The following MRPS5 variants were observed in gnomAD, a reference collection of about 807,000 sequenced individuals.
The protein encoded by MRPS5 is mitochondrial ribosomal protein S5, also known as small ribosomal subunit protein uS5m.
Under a neutral mutation model 51.9 loss-of-function variants are expected in MRPS5, and 27 were observed. That is an observed-to-expected ratio of 0.52 (90% CI 0.38 to 0.72). MRPS5 has a LOEUF of 0.72. Ranked by LOEUF, MRPS5 falls within the 30% of genes least tolerant of loss-of-function variation. The pLI, the probability that MRPS5 is intolerant of heterozygous loss-of-function variation, is 0.00. For synonymous variants in MRPS5, 196 were observed against 193.2 expected (o/e 1.01, Z -0.12); for missense variants, 570 against 545.7 (o/e 1.04, Z -0.44).
intron 10 of MRPS5, among the ~76,000 whole-genome samples, chr2:95,099,487 A>G (rs955573952): frequency 6.6e-6 from 1 of 152,154 alleles, no homozygotes; most frequent in African/African-American, 2.4e-5. Context: ...GAGATATTTT[A>G]TATTCTTTTT....
At chr2:95,097,990 A>G (rs1229546755) in intron 10 of MRPS5, among the ~76,000 whole-genome samples, 1 of 152,242 alleles carries the variant, frequency 6.6e-6, no homozygotes, top group Non-Finnish European at 1.5e-5. Context: ...AAGAACTCAA[A>G]CAAATTTACA....
At chr2:95,104,592 C>T (rs781497866) in intron 7 of MRPS5, 48 bp downstream of exon 7, 2 of 1,599,088 alleles carry the variant, frequency 1.3e-6, no homozygotes, top group Non-Finnish European at 1.7e-6. Context: ...CGTGCCACGC[C>T]TTTCCCTGCA....
chr2:95,104,083 T>C (rs1231076712), intron 7 of MRPS5: 1 of 154,828 alleles, frequency 6.5e-6, no homozygotes, highest in Non-Finnish European at 1.4e-5. Context: ...GGAGAAAATT[T>C]AAATCATCAG....
chr2:95,102,650 AGACCCTGTCTCAG>A (rs1418517254), intron 7 of MRPS5, among the ~76,000 whole-genome samples: 1 of 152,248 alleles, frequency 6.6e-6, no homozygotes, highest in East Asian at 1.9e-4. Context: ...TGACAGAGCA[AGACCCTGTCTCAG>A]GAAGGAAAAA....
Position 95,087,382 on chromosome 2 carries a change from G to T in MRPS5, c.1268C>A (p.Ser423Tyr). 1.2e-6 allele frequency: 2 copies of T among 1,614,158 alleles called. No individual in the cohort carries two copies. Among genetic ancestry groups the T allele is most frequent in the South Asian group, 2.2e-5 (2 of 91,078 alleles). The change falls in exon 12 of 12, where the codon TCT (serine) becomes TAT (tyrosine). Residue 423 changes from serine to tyrosine, a missense_variant. Physicochemically the swap from Ser to Tyr is moderately radical, Grantham distance 144 (BLOSUM62 -2). Transcript: ENST00000272418. ...TAQGMKRSVWSNLKRAAT is the reference protein window; with the variant it reads ...TAQGMKRSVWYNLKRAAT ...TTACGTGGCGGCTCTCTTCAAATTA[G>T]ACCACACAGAGCGCTTCATTCCCTG...
chr2:95,104,419 T>C, intron 7 of MRPS5: 1 of 571,002 alleles, frequency 1.8e-6, no homozygotes, highest in Non-Finnish European at 3.2e-6. Flanking sequence ...AATATTCCTT[T>C]TCCTCAGAGG....
At chr2:95,117,730 C>G (rs1676324276) in intron 2 of MRPS5, 135 bp downstream of exon 2, 1 of 702,780 alleles carries the variant, frequency 1.4e-6, no homozygotes, top group Admixed American at 3.3e-5. Context: ...TGCAGTAAGA[C>G]TAACCAGGCT....
chr2:95,105,051 T>C (rs558413279), intron 6 of MRPS5, among the ~76,000 whole-genome samples: 1 of 152,316 alleles, frequency 6.6e-6, no homozygotes, highest in East Asian at 1.9e-4. Context: ...AAGAAAAAAG[T>C]TGCTGATCAA....
chr2:95,110,749 C>A (rs946209433), intron 3 of MRPS5, among the ~76,000 whole-genome samples: 6 of 152,200 alleles, frequency 3.9e-5, no homozygotes, highest in Non-Finnish European at 8.8e-5. Context: ...TTACTATAAT[C>A]ATGCCACTGC....
At chr2:95,092,640 C>A (rs538205230) in intron 10 of MRPS5, 58 of 152,286 alleles carry the variant, frequency 3.8e-4, no homozygotes, top group African/African-American at 1.4e-3. Flanking sequence ...TGGTCTAGAT[C>A]ATACAAAAAC....
chr2:95,093,238 T>C (rs1387543325), intron 10 of MRPS5: 2 of 150,268 alleles, frequency 1.3e-5, no homozygotes, highest in Non-Finnish European at 3.0e-5. Flanking sequence ...CGCAGCTCAA[T>C]GAGGCCCACC....
intron 5 of MRPS5, among the ~76,000 whole-genome samples, 170 bp downstream of exon 5, chr2:95,108,005 C>T (rs887146676): frequency 6.6e-6 from 1 of 152,156 alleles, no homozygotes; most frequent in Non-Finnish European, 1.5e-5. Flanking sequence ...AATACTTCTG[C>T]ACTCCACAAA....
chr2:95,106,769 C>T, intron 5 of MRPS5: 1 of 429,080 alleles, frequency 2.3e-6, no homozygotes, highest in South Asian at 2.5e-5. Flanking sequence ...GGCCTCTCCC[C>T]CTAGGCCAAG....
At position 95,115,183 on chromosome 2, in the gene MRPS5, T is replaced by A. The variant is rs1676250679; in HGVS notation, c.160A>T (p.Thr54Ser). The A allele has an allele frequency of 1.9e-6, 3 of 1,603,338 alleles. No homozygotes were observed. Among genetic ancestry groups the A allele is most frequent in the Non-Finnish European group, 1.7e-6 (2 of 1,177,288 alleles). ...LGNGHLSSLG[T>S]RDTHPYASLS... ...CTGGCGTAGGGATGGGTGTCTCTGG[T>A]TCCCAGTGATGACAAATGGCCTGTA... The change falls in exon 3 of 12, where the codon ACC (threonine) becomes TCC (serine). Residue 54 changes from threonine (T) to serine (S), a missense_variant. Physicochemically the swap from Thr to Ser is moderately conservative, Grantham distance 58. Coordinates refer to ENST00000272418, the MANE Select transcript of MRPS5 (RefSeq NM_031902.5).
intron 10 of MRPS5, among the ~76,000 whole-genome samples, chr2:95,098,047 CAG>C (rs1169960878): frequency 1.3e-5 from 2 of 152,166 alleles, no homozygotes; most frequent in African/African-American, 4.8e-5. Context: ...AGGATATGAA[CAG>C]ACACTTTTCA....
chr2:95,097,561 T>A (rs1675664081), intron 10 of MRPS5, among the ~76,000 whole-genome samples: 1 of 152,220 alleles, frequency 6.6e-6, no homozygotes. Flanking sequence ...TACAACCATC[T>A]GATCTTTGAC....
intron 7 of MRPS5, among the ~76,000 whole-genome samples, chr2:95,102,211 A>G (rs1675823592): frequency 1.3e-5 from 2 of 152,108 alleles, no homozygotes; most frequent in Admixed American, 6.5e-5. Context: ...TCTGTTTTGA[A>G]GCATTCTGGA....
chr2:95,115,009 T>G, intron 3 of MRPS5, 57 bp downstream of exon 3: 1 of 1,424,362 alleles, frequency 7.0e-7, no homozygotes, highest in Non-Finnish European at 9.3e-7. Context: ...AAAATTCAGA[T>G]ATAAGAAATC....
rs147596610 is a variant in MRPS5 at position 95,088,953 on chromosome 2, G to C, written c.1069-1372C>G. Among the ~76,000 whole-genome samples the C allele has an allele frequency of 2.3e-3, 352 of 152,256 alleles. 9 individuals are homozygous for C. In the East Asian group the frequency reaches 0.042, roughly 18 times the overall value. On this transcript the variant is annotated intron_variant, in intron 11 of 11. Transcript: ENST00000272418. ...ATGGTGGCACGTGCCTGTAGTCCCA[G>C]CTACTCAGGAGGCTGAGGCAGGAGA...
Sources: allele counts gnomAD v4.1 joint callset (sites outside exome capture counted in the v4.1 genomes callset), GRCh38; gene constraint gnomAD v4.1.1; transcripts MANE v1.5; gene names NCBI Gene and HGNC (gene_info 2026-07-23, HGNC 2026-07-21).